Variants in C8orf89 observed in about 807,000 individuals in gnomAD.
The protein encoded by C8orf89 is putative uncharacterized protein C8orf89.
Under a neutral mutation model 15.8 loss-of-function variants are expected in C8orf89, and 14 were observed. That is an observed-to-expected ratio of 0.89 (90% confidence interval 0.59 to 1.39). C8orf89 has a LOEUF of 1.39. Ranked by LOEUF, C8orf89 falls within the 40% of genes most tolerant of loss-of-function variation. C8orf89 has a pLI of 0.00. For synonymous variants in C8orf89, 55 were observed against 62.2 expected (o/e 0.88, Z 0.54); for missense variants, 181 against 184.5 (o/e 0.98, Z 0.11).
chr8:73,258,099 A>T (rs1468756733), intron 1 of C8orf89, among the ~76,000 whole-genome samples: 1 of 152,192 alleles, frequency 6.6e-6, no homozygotes, highest in Non-Finnish European at 1.5e-5. Flanking sequence ...ATCATTGAGT[A>T]GTTTGCATTT....
upstream of C8orf89, among the ~76,000 whole-genome samples, chr8:73,260,280 G>T (rs1337861768): frequency 3.3e-5 from 5 of 151,586 alleles, no homozygotes; most frequent in East Asian, 9.7e-4. Context: ...GCAAACTATC[G>T]CAAGGACAAA....
At chr8:73,247,248 C>A (rs111437409) in intron 3 of C8orf89, among the ~76,000 whole-genome samples, 101 of 124,044 alleles carry the variant, frequency 8.1e-4, no homozygotes, top group African/African-American at 2.9e-3. Flanking sequence ...CCAGCTCCAT[C>A]CATGTTCCTG....
At chr8:73,258,409 C>CAAAAAAA (rs34265425) in intron 1 of C8orf89, among the ~76,000 whole-genome samples, 5 of 69,148 alleles carry the variant, frequency 7.2e-5, no homozygotes, top group Admixed American at 1.9e-4. Flanking sequence ...GACTCCATCT[C>CAAAAAAA]AAAAAAAAAA....
At chr8:73,273,250 C>A in the C8orf89 span, among the ~76,000 whole-genome samples, 1 of 152,094 alleles carries the variant, frequency 6.6e-6, no homozygotes, top group South Asian at 2.1e-4. Flanking sequence ...CTGCAGCCAC[C>A]CAGCCATGGC....
chr8:73,257,000 C>T lies in C8orf89; in HGVS notation c.254G>A (p.Arg85His), dbSNP rs181570202. Residue 85 changes from arginine (R) to histidine (H), a missense_variant, in exon 2 of 4, where the codon CGT becomes CAT. Physicochemically the swap from Arg to His is conservative, Grantham distance 29. Coordinates refer to ENST00000624510, the MANE Select transcript of C8orf89 (RefSeq NM_001243237.3). The stretch of plus-strand genomic sequence containing the variant: ...GACTGCAGACACCTCGGCATCAGCA[C>T]GTGGCAGTCTTTTAGGAACCTCTAG... Reference protein sequence around the residue: ...TPLEVPKRLPRADAEVSAVRL... With the variant: ...TPLEVPKRLPHADAEVSAVRL... The T allele has an allele frequency of 9.2e-5, 141 of 1,535,164 alleles. No homozygotes were observed. In the East Asian group the frequency reaches 1.8e-3, roughly 19 times the overall value.
At chr8:73,270,682 G>A in the C8orf89 span, among the ~76,000 whole-genome samples, 1 of 152,182 alleles carries the variant, frequency 6.6e-6, no homozygotes, top group African/African-American at 2.4e-5. Flanking sequence ...AGGGCAGGTG[G>A]ATCACTTGAG....
At chr8:73,261,771 A>T (rs1813533499), upstream of C8orf89, among the ~76,000 whole-genome samples, 1 of 152,172 alleles carries the variant, frequency 6.6e-6, no homozygotes, top group African/African-American at 2.4e-5. Context: ...AGTCAGGGAC[A>T]GCAAAGGGAA....
At chr8:73,268,673 T>C in the C8orf89 span, among the ~76,000 whole-genome samples, 1 of 152,200 alleles carries the variant, frequency 6.6e-6, no homozygotes, top group South Asian at 2.1e-4. Context: ...AGAACTCTCA[T>C]CTTTCCAGAT....
chr8:73,263,413 C>T (rs2130300667), upstream of C8orf89, among the ~76,000 whole-genome samples: 1 of 152,180 alleles, frequency 6.6e-6, no homozygotes, highest in Non-Finnish European at 1.5e-5. Flanking sequence ...TACTCAGAGG[C>T]TGAGGCATGA....
At chr8:73,275,228 G>GTTTTTTTTTTTTTTTTTTTT in the C8orf89 span, among the ~76,000 whole-genome samples, 1 of 117,746 alleles carries the variant, frequency 8.5e-6, no homozygotes, top group African/African-American at 3.1e-5. Flanking sequence ...ACTTGTAATA[G>GTTTTTTTTTTTTTTTTTTTT]TTCTTTTTTT....
chr8:73,259,375 ACT>A lies in C8orf89; in HGVS notation c.82_83del (p.Ser28Ter). The A allele has an allele frequency of 6.6e-7, 1 of 1,525,884 alleles. No homozygotes were observed. 94.5% of individuals were successfully genotyped at this position (1,525,884 alleles called of 1,614,324 possible). On this transcript the variant is annotated frameshift_variant, in exon 1 of 4. Transcript: ENST00000624510. LOFTEE classifies it high-confidence loss of function. ...TTTCTAAAACTGCTTTCTTCCAACT[ACT>A]CTCAAAAATCAAACAACTGCCAAAG... is the stretch of plus-strand genomic sequence containing the variant. ...SSFGSCLIFE[S>X]SWKKAVLETQ...
intron 3 of C8orf89, among the ~76,000 whole-genome samples, chr8:73,245,737 T>G (rs1813108935): frequency 6.6e-6 from 1 of 152,060 alleles, no homozygotes; most frequent in African/African-American, 2.4e-5. Flanking sequence ...TTAGACAAAA[T>G]GCAAGTTTCT....
chr8:73,246,225 C>T (rs1813119017), intron 3 of C8orf89, among the ~76,000 whole-genome samples: 1 of 152,142 alleles, frequency 6.6e-6, no homozygotes, highest in Non-Finnish European at 1.5e-5. Context: ...TAAGTATTTA[C>T]AGAAGACTTA....
At chr8:73,280,043 C>A in the C8orf89 span, among the ~76,000 whole-genome samples, 2 of 152,188 alleles carry the variant, frequency 1.3e-5, no homozygotes, top group African/African-American at 4.8e-5. Flanking sequence ...CCACAGAATC[C>A]ATGAGCACAA....
intron 3 of C8orf89, among the ~76,000 whole-genome samples, chr8:73,241,975 C>T (rs1415203496): frequency 2.6e-5 from 4 of 151,668 alleles, no homozygotes; most frequent in African/African-American, 4.8e-5. Context: ...TCGCATCTCT[C>T]GACATATAAA....
At chr8:73,262,961 G>GA (rs1813556779), upstream of C8orf89, among the ~76,000 whole-genome samples, 1 of 151,928 alleles carries the variant, frequency 6.6e-6, no homozygotes, top group Non-Finnish European at 1.5e-5. Context: ...AATTCTAGTG[G>GA]AAAAAGAAAA....
chr8:73,279,053 T>TA, the C8orf89 span, among the ~76,000 whole-genome samples: 7 of 152,232 alleles, frequency 4.6e-5, no homozygotes, highest in African/African-American at 1.7e-4. Context: ...CTCTTCTTCA[T>TA]ATGGTCTTGT....
chr8:73,261,200 T>G (rs186466889), upstream of C8orf89, among the ~76,000 whole-genome samples: 3 of 152,224 alleles, frequency 2.0e-5, no homozygotes, highest in East Asian at 5.8e-4. Context: ...CTTAACAAAC[T>G]CCCCTTCATA....
intron 2 of C8orf89, among the ~76,000 whole-genome samples, chr8:73,253,057 T>G (rs1813282991): frequency 6.6e-6 from 1 of 152,152 alleles, no homozygotes; most frequent in Non-Finnish European, 1.5e-5. Flanking sequence ...GCGGGAGAAT[T>G]GCTTGAACCC....
Sources: allele counts gnomAD v4.1 joint callset (sites outside exome capture counted in the v4.1 genomes callset), GRCh38; gene constraint gnomAD v4.1.1; transcripts MANE v1.5; gene names NCBI Gene and HGNC (gene_info 2026-07-23, HGNC 2026-07-21).